The following SGCZ variants were observed in gnomAD, a reference collection of about 807,000 sequenced individuals.
SGCZ encodes the protein zeta-sarcoglycan.
In SGCZ, 40 loss-of-function variants were observed where a neutral mutation model predicts 41.3. The observed-to-expected ratio is 0.97, with a 90% CI of 0.75 to 1.26. SGCZ has a LOEUF of 1.26. SGCZ is among the 50% of genes most tolerant of loss of function. SGCZ has a pLI of 0.00. For synonymous variants in SGCZ, 206 were observed against 137.5 expected (o/e 1.50, Z -3.49); for missense variants, 552 against 369.8 (o/e 1.49, Z -4.04).
At chr8:14,335,560 G>C (rs755009489) in intron 2 of SGCZ, among the ~76,000 whole-genome samples, 5 of 151,992 alleles carry the variant, frequency 3.3e-5, no homozygotes, top group South Asian at 2.1e-4. Context: ...AGTTTTATTT[G>C]TTTATCAGCT....
At chr8:14,933,431 CTTTTT>C (rs11443740) in intron 1 of SGCZ, among the ~76,000 whole-genome samples, 3 of 120,420 alleles carry the variant, frequency 2.5e-5, no homozygotes, top group Non-Finnish European at 4.9e-5. Context: ...CTTTTTTTTT[CTTTTT>C]TTTTTTTTTT....
chr8:15,152,900 T>C (rs569283174), intron 1 of SGCZ, among the ~76,000 whole-genome samples: 1 of 152,288 alleles, frequency 6.6e-6, no homozygotes, highest in Admixed American at 6.5e-5. Flanking sequence ...GCAGATGGTG[T>C]CAACAACCCC....
At position 14,294,084 on chromosome 8, in the gene SGCZ, T is replaced by C. The variant is rs141955744; in HGVS notation, c.336+30019A>G. 5.2e-3 allele frequency among the ~76,000 whole-genome samples: 798 copies of C among 152,024 alleles called. 3 individuals carry two copies. Among genetic ancestry groups the C allele is most frequent in the African/African-American group, 8.0e-3 (332 of 41,556 alleles). Reference sequence around the variant, plus strand: ...CATTTTTCTGTAGCCAATTATAATATATTCTAGTTATTACAACCACCAGAC... The same window carrying C: ...CATTTTTCTGTAGCCAATTATAATACATTCTAGTTATTACAACCACCAGAC... On this transcript the variant is annotated intron_variant, in intron 3 of 7. Transcript: ENST00000382080.
chr8:14,335,752 G>A (rs576874888), intron 2 of SGCZ, among the ~76,000 whole-genome samples: 3 of 152,154 alleles, frequency 2.0e-5, no homozygotes, highest in South Asian at 4.1e-4. Context: ...TCGAGTTACA[G>A]CGCCATACAC....
At chr8:14,513,108 A>T (rs938691442) in intron 2 of SGCZ, among the ~76,000 whole-genome samples, 1 of 152,032 alleles carries the variant, frequency 6.6e-6, no homozygotes, top group Non-Finnish European at 1.5e-5. Context: ...CAGTGGTGCA[A>T]TCAAGCTCAG....
intron 1 of SGCZ, among the ~76,000 whole-genome samples, chr8:14,916,325 C>T (rs1369334353): frequency 1.3e-5 from 2 of 152,162 alleles, no homozygotes; most frequent in African/African-American, 4.8e-5. Flanking sequence ...ACCCAAATCA[C>T]ATTTCTTACT....
chr8:14,967,612 A>G (rs912546308), intron 1 of SGCZ, among the ~76,000 whole-genome samples: 3 of 152,096 alleles, frequency 2.0e-5, no homozygotes, highest in Non-Finnish European at 4.4e-5. Flanking sequence ...GTACTTTTCC[A>G]TCCCAAACCT....
At chr8:14,926,001 C>T (rs1348947603) in intron 1 of SGCZ, among the ~76,000 whole-genome samples, 1 of 152,134 alleles carries the variant, frequency 6.6e-6, no homozygotes, top group Non-Finnish European at 1.5e-5. Flanking sequence ...AGCTGAAGTA[C>T]ACATTATCTC....
intron 2 of SGCZ, among the ~76,000 whole-genome samples, chr8:14,488,171 C>T (rs28742279): frequency 0.023 from 2,712 of 119,064 alleles, 41 homozygotes; most frequent in African/African-American, 0.059. Flanking sequence ...CTATCTAAAT[C>T]GTGACCTGGT....
chr8:14,964,950 C>T (rs780756174), intron 1 of SGCZ, among the ~76,000 whole-genome samples: 3 of 152,118 alleles, frequency 2.0e-5, no homozygotes, highest in Non-Finnish European at 2.9e-5. Context: ...ACTCAACTCG[C>T]TTGTGGGAGC....
chr8:15,186,926 T>A (rs1800366019), intron 1 of SGCZ, among the ~76,000 whole-genome samples: 1 of 152,158 alleles, frequency 6.6e-6, no homozygotes, highest in Non-Finnish European at 1.5e-5. Flanking sequence ...CTGAATGCGT[T>A]TTTATATGAG....
Position 14,951,632 on chromosome 8 carries a change from T to C in SGCZ, c.39+285953A>G, listed in dbSNP as rs546838106. Among the ~76,000 whole-genome samples the C allele has an allele frequency of 5.9e-4, 90 of 152,180 alleles. 2 individuals are homozygous for C. In the South Asian group the frequency reaches 0.01, roughly 17 times the overall value. ...CTCAAAAACTAATTAATTACCAGCA[T>C]ATACTATGACTAAATGATCATTTGT... On this transcript the variant is annotated intron_variant, in intron 1 of 7. Coordinates refer to ENST00000382080, the MANE Select transcript of SGCZ (RefSeq NM_139167.4).
intron 1 of SGCZ, among the ~76,000 whole-genome samples, chr8:15,160,136 G>C (rs1189596112): frequency 6.6e-6 from 1 of 152,018 alleles, no homozygotes; most frequent in African/African-American, 2.4e-5. Flanking sequence ...TTTTCGTCTT[G>C]TAAAACTGAA....
At chr8:15,092,264 T>C (rs572539236) in intron 1 of SGCZ, among the ~76,000 whole-genome samples, 69 of 152,334 alleles carry the variant, frequency 4.5e-4, no homozygotes, top group Non-Finnish European at 8.2e-4. Context: ...GTCTTGTTTT[T>C]TCTGAATCTT....
At chr8:14,666,874 T>C (rs888095644) in intron 1 of SGCZ, among the ~76,000 whole-genome samples, 2 of 152,040 alleles carry the variant, frequency 1.3e-5, no homozygotes, top group African/African-American at 4.8e-5. Flanking sequence ...AGAACTATTT[T>C]AACGTCCATT....
intron 1 of SGCZ, among the ~76,000 whole-genome samples, chr8:15,051,572 T>G (rs1024402545): frequency 1.3e-5 from 2 of 152,102 alleles, no homozygotes; most frequent in Non-Finnish European, 2.9e-5. Flanking sequence ...ATGTTAAGCT[T>G]TAGGAGATAC....
At chr8:14,788,966 A>C (rs1418120096) in intron 1 of SGCZ, among the ~76,000 whole-genome samples, 1 of 152,154 alleles carries the variant, frequency 6.6e-6, no homozygotes, top group African/African-American at 2.4e-5. Context: ...AAATAATAAT[A>C]ATAATAAATT....
At chr8:14,181,504 T>C (rs537495381) in intron 4 of SGCZ, among the ~76,000 whole-genome samples, 2 of 152,322 alleles carry the variant, frequency 1.3e-5, no homozygotes, top group East Asian at 3.9e-4. Context: ...TTAAAGGCGT[T>C]ACCTGTTGAT....
intron 1 of SGCZ, among the ~76,000 whole-genome samples, chr8:14,782,410 T>G (rs1378784060): frequency 6.6e-6 from 1 of 152,222 alleles, no homozygotes; most frequent in African/African-American, 2.4e-5. Context: ...TTTTTCTTTT[T>G]GTTCATGTAT....
Sources: gnomAD v4.1 joint callset for allele counts (sites outside exome capture counted in the v4.1 genomes callset) on GRCh38, gnomAD v4.1.1 for gene constraint, MANE v1.5 for transcripts, NCBI Gene and HGNC (gene_info 2026-07-23, HGNC 2026-07-21) for gene names.